Variants in ZNF609 observed in about 807,000 individuals in gnomAD.
ZNF609 encodes the protein zinc finger protein 609.
ZNF609 carries 11 observed loss-of-function variants against 109.5 expected under a neutral mutation model. That is an observed-to-expected ratio of 0.10 (90% CI 0.06 to 0.17). The LOEUF (loss-of-function observed/expected upper bound fraction) is 0.17. Ranked by LOEUF, ZNF609 falls within the 10% of genes least tolerant of loss-of-function variation. The pLI is 1.00. For synonymous variants in ZNF609, 646 were observed against 662.0 expected (o/e 0.98, Z 0.37); for missense variants, 1,559 against 1,772.4 (o/e 0.88, Z 2.16).
intron 2 of ZNF609, among the ~76,000 whole-genome samples, chr15:64,547,883 G>C (rs1440966995): frequency 6.6e-6 from 1 of 152,172 alleles, no homozygotes; most frequent in Non-Finnish European, 1.5e-5. Flanking sequence ...GGCAAAGCAG[G>C]AGGACGGGGG....
intron 2 of ZNF609, chr15:64,502,227 CCT>C (rs1249062974): frequency 6.6e-6 from 1 of 152,190 alleles, no homozygotes; most frequent in African/African-American, 2.4e-5. Context: ...AATTCCTTCC[CCT>C]GTTCCCTCAA....
chr15:64,656,090 G>A (rs1165034247), intron 3 of ZNF609, among the ~76,000 whole-genome samples: 1 of 152,048 alleles, frequency 6.6e-6, no homozygotes, highest in African/African-American at 2.4e-5. Context: ...TTGAGACTGA[G>A]TCTCACTCTG....
At chr15:64,514,368 A>T (rs771103181) in intron 2 of ZNF609, among the ~76,000 whole-genome samples, 1 of 152,188 alleles carries the variant, frequency 6.6e-6, no homozygotes, top group Non-Finnish European at 1.5e-5. Flanking sequence ...TAATGTAATG[A>T]TTATTGTAAT....
At position 64,623,018 on chromosome 15, in the gene ZNF609, C is replaced by T; in HGVS notation, c.939C>T (p.Asn313=). The T allele has an allele frequency of 1.2e-6, 2 of 1,614,218 alleles. No homozygotes were observed. The highest frequency in any genetic ancestry group is 1.7e-6 in the Non-Finnish European group (2 of 1,180,026). The part of the protein sequence containing the change: ...LGPCEPGTSV[N]LEGIVWQETE... ...CCTGTGAACCTGGAACTAGCGTCAA[C>T]CTTGAAGGCATCGTGTGGCAGGAAA... is the stretch of plus-strand genomic sequence containing the variant. The change falls in exon 3 of 10, where the codon AAC becomes AAT. Residue 313 remains asparagine, a synonymous_variant. Transcript: ENST00000326648.
chr15:64,516,071 A>G (rs982295158), intron 2 of ZNF609, among the ~76,000 whole-genome samples: 1 of 152,194 alleles, frequency 6.6e-6, no homozygotes, highest in African/African-American at 2.4e-5. Flanking sequence ...AGTGGCATTC[A>G]GGCCAGAGAA....
chr15:64,537,525 A>G (rs1251866578), intron 2 of ZNF609, among the ~76,000 whole-genome samples: 1 of 151,906 alleles, frequency 6.6e-6, no homozygotes, highest in Non-Finnish European at 1.5e-5. Flanking sequence ...AGAAAAAGAA[A>G]AAAAAGAGCA....
chr15:64,573,242 G>A (rs1894888046), intron 2 of ZNF609, among the ~76,000 whole-genome samples: 1 of 148,678 alleles, frequency 6.7e-6, no homozygotes, highest in Admixed American at 6.7e-5. Flanking sequence ...TTCCTAAATA[G>A]CAGTCAACTG....
At chr15:64,657,870 CT>C (rs1201505301) in intron 3 of ZNF609, among the ~76,000 whole-genome samples, 15 of 148,918 alleles carry the variant, frequency 1.0e-4, no homozygotes, top group Middle Eastern at 3.4e-3. Context: ...CTATTTACTT[CT>C]TTTTTTTTTA....
At chr15:64,643,553 G>C (rs1896291772) in intron 3 of ZNF609, among the ~76,000 whole-genome samples, 1 of 152,056 alleles carries the variant, frequency 6.6e-6, no homozygotes, top group South Asian at 2.1e-4. Context: ...AGGACCTTTG[G>C]CCATTATAAG....
intron 2 of ZNF609, among the ~76,000 whole-genome samples, chr15:64,567,851 C>T (rs964416719): frequency 1.3e-5 from 2 of 151,880 alleles, no homozygotes; most frequent in Non-Finnish European, 2.9e-5. Context: ...TTAGTAGAGA[C>T]GGGATTTCAG....
chr15:64,490,375 G>A (rs1192937705), intron 1 of ZNF609, among the ~76,000 whole-genome samples: 1 of 151,080 alleles, frequency 6.6e-6, no homozygotes, highest in Non-Finnish European at 1.5e-5. Flanking sequence ...GCGGGTTCAA[G>A]TGATTCTCCT....
Position 64,680,473 on chromosome 15 carries a change from T to G in ZNF609, c.3945+113T>G. ...CTGACCACAGTGCAGCTTGGCTGAC[T>G]TGACACTGGCAGCCCCCAGGGCATC... is the stretch of plus-strand genomic sequence containing the variant. On this transcript the variant is annotated intron_variant, in intron 7 of 9. Transcript: ENST00000326648. The G allele has an allele frequency of 4.2e-6, 6 of 1,413,546 alleles. No homozygotes were observed. In the South Asian group the frequency reaches 5.3e-5, roughly 13 times the overall value. The allele number at this position is 1,413,546 out of a possible 1,614,324, so 87.6% of individuals were successfully genotyped here. A position where few individuals can be genotyped will look rare whatever the true frequency, so the allele number is the denominator to read the frequency against.
chr15:64,475,968 C>A (rs1382076781), intron 1 of ZNF609, among the ~76,000 whole-genome samples: 1 of 152,120 alleles, frequency 6.6e-6, no homozygotes, highest in African/African-American at 2.4e-5. Flanking sequence ...AAAAGGCAGA[C>A]GGTGAATGCC....
At chr15:64,537,216 C>T (rs1315573745) in intron 2 of ZNF609, among the ~76,000 whole-genome samples, 8 of 142,868 alleles carry the variant, frequency 5.6e-5, no homozygotes, top group South Asian at 2.2e-4. Flanking sequence ...GAGTGAGACT[C>T]GCTGGGTGCG....
intron 2 of ZNF609, among the ~76,000 whole-genome samples, chr15:64,608,498 C>T (rs1282631211): frequency 6.6e-6 from 1 of 151,956 alleles, no homozygotes; most frequent in African/African-American, 2.4e-5. Context: ...TGTGTAGTTC[C>T]ATACAGTTTT....
intron 3 of ZNF609, among the ~76,000 whole-genome samples, chr15:64,627,456 T>C (rs1424181462): frequency 6.6e-6 from 1 of 152,138 alleles, no homozygotes; most frequent in Non-Finnish European, 1.5e-5. Flanking sequence ...TGATGTAGTT[T>C]ACTTTGGCAA....
intron 2 of ZNF609, among the ~76,000 whole-genome samples, chr15:64,569,964 C>T (rs1000468793): frequency 6.6e-6 from 1 of 152,208 alleles, no homozygotes; most frequent in Non-Finnish European, 1.5e-5. Flanking sequence ...GCACTGTGTG[C>T]CAAGAACGGA....
At chr15:64,600,986 G>A (rs1895488800) in intron 2 of ZNF609, among the ~76,000 whole-genome samples, 1 of 152,036 alleles carries the variant, frequency 6.6e-6, no homozygotes, top group South Asian at 2.1e-4. Context: ...TGCAACTTAT[G>A]CAGTTCAGCC....
intron 2 of ZNF609, among the ~76,000 whole-genome samples, chr15:64,535,947 GCCCA>G (rs1894134875): frequency 6.6e-6 from 1 of 151,256 alleles, no homozygotes; most frequent in African/African-American, 2.4e-5. Flanking sequence ...GATGTCTTTT[GCCCA>G]CTTTCTTTTT....
Sources: gnomAD v4.1 joint callset for allele counts (sites outside exome capture counted in the v4.1 genomes callset) on GRCh38, gnomAD v4.1.1 for gene constraint, MANE v1.5 for transcripts, NCBI Gene and HGNC (gene_info 2026-07-23, HGNC 2026-07-21) for gene names.